The following DPP6 variants were observed in gnomAD, a reference collection of about 807,000 sequenced individuals.
The protein encoded by DPP6 is A-type potassium channel modulatory protein DPP6.
A neutral mutation model predicts 122.6 loss-of-function variants in DPP6; 69 were observed. That is an observed-to-expected ratio of 0.56 (90% CI 0.46 to 0.69). The LOEUF (loss-of-function observed/expected upper bound fraction) is 0.69, where lower values mean the gene tolerates loss of function less well. Among genes scored for constraint, DPP6 ranks in the 30% least tolerant of loss-of-function variants. DPP6 has a pLI of 0.00. For missense variants in DPP6, 928 were observed against 1,116.9 expected (o/e 0.83, Z 2.41); for synonymous variants, 418 against 433.1 (o/e 0.97, Z 0.43).
rs1052631243 is a variant in DPP6, at chr7:154,169,821, C to A, written c.243+116758C>A. On this transcript the variant is annotated intron_variant, in intron 1 of 25. Transcript: ENST00000377770. ...TCTTGGCTCACCCCAACCTCTGCCT[C>A]CCGGGTTCAAGTGATTTTCCTGCCT... 3.2e-4 allele frequency among the ~76,000 whole-genome samples: 49 copies of A among 152,124 alleles called. 1 individual carries two copies. The highest frequency in any genetic ancestry group is 2.4e-3 in the Admixed American group (37 of 15,264).
At chr7:153,846,687 CTTTTTTTTTT>C in the DPP6 span, among the ~76,000 whole-genome samples, 1 of 78,208 alleles carries the variant, frequency 1.3e-5, no homozygotes, top group African/African-American at 5.0e-5. Context: ...TGGCTTGGTT[CTTTTTTTTTT>C]TTTTTTTTTT....
At chr7:154,522,350 TAA>T (rs1450039974) in intron 3 of DPP6, among the ~76,000 whole-genome samples, 8 of 152,186 alleles carry the variant, frequency 5.3e-5, no homozygotes, top group Admixed American at 2.0e-4. Context: ...CCACGTATGT[TAA>T]AGTTGCCAGC....
At chr7:153,982,266 T>C (rs1796625230) in intron 1 of DPP6, among the ~76,000 whole-genome samples, 2 of 151,832 alleles carry the variant, frequency 1.3e-5, no homozygotes, top group Admixed American at 6.6e-5. Context: ...TTCTCTAATC[T>C]TGTCTTCATT....
chr7:154,765,179 A>G (rs1279169626), intron 8 of DPP6, among the ~76,000 whole-genome samples: 3 of 152,190 alleles, frequency 2.0e-5, no homozygotes, highest in Non-Finnish European at 4.4e-5. Flanking sequence ...TATGTTGCAA[A>G]TGCCAGGATT....
chr7:154,874,009 CACAT>C (rs1469263056), intron 19 of DPP6, among the ~76,000 whole-genome samples: 1 of 151,784 alleles, frequency 6.6e-6, no homozygotes, highest in African/African-American at 2.4e-5. Context: ...CACATACACA[CACAT>C]GCACACACAT....
chr7:154,279,467 G>A (rs1178592864), intron 1 of DPP6, among the ~76,000 whole-genome samples: 1 of 152,184 alleles, frequency 6.6e-6, no homozygotes, highest in Non-Finnish European at 1.5e-5. Context: ...GGCTTTCTGA[G>A]ACAACGCCTT....
chr7:154,420,144 C>A (rs1165363405), intron 1 of DPP6, among the ~76,000 whole-genome samples: 1 of 152,164 alleles, frequency 6.6e-6, no homozygotes, highest in African/African-American at 2.4e-5. Flanking sequence ...TGAGACTAGC[C>A]TGGCCAAAAT....
chr7:154,416,631 T>C (rs1215044293), intron 1 of DPP6, among the ~76,000 whole-genome samples: 1 of 150,076 alleles, frequency 6.7e-6, no homozygotes, highest in Non-Finnish European at 1.5e-5. Flanking sequence ...ACATCTGCAG[T>C]TTCAGGCATC....
intron 17 of DPP6, among the ~76,000 whole-genome samples, chr7:154,854,238 G>A (rs1802637778): frequency 6.6e-6 from 1 of 152,200 alleles, no homozygotes; most frequent in Non-Finnish European, 1.5e-5. Flanking sequence ...ACGGCATGGA[G>A]GGTCTCTGCA....
At chr7:153,820,256 C>T in the DPP6 span, among the ~76,000 whole-genome samples, 1 of 152,126 alleles carries the variant, frequency 6.6e-6, no homozygotes, top group Non-Finnish European at 1.5e-5. Flanking sequence ...CTGCATTTTT[C>T]ATTTTACAAA....
intron 1 of DPP6, among the ~76,000 whole-genome samples, chr7:153,895,671 C>T (rs988739823): frequency 6.6e-6 from 1 of 151,562 alleles, no homozygotes; most frequent in Non-Finnish European, 1.5e-5. Flanking sequence ...CCTTGATGAC[C>T]CAGGAAGACT....
At chr7:153,841,602 A>C in the DPP6 span, among the ~76,000 whole-genome samples, 7 of 152,372 alleles carry the variant, frequency 4.6e-5, no homozygotes, top group South Asian at 1.4e-3. Context: ...AGAACTACTC[A>C]AACCAAATTG....
intron 1 of DPP6, among the ~76,000 whole-genome samples, chr7:154,407,984 T>C (rs1816264641): frequency 6.6e-6 from 1 of 152,220 alleles, no homozygotes; most frequent in Non-Finnish European, 1.5e-5. Context: ...CTCATAATGT[T>C]GTTATCATGA....
chr7:154,880,571 A>T (rs1238815817), intron 20 of DPP6, among the ~76,000 whole-genome samples: 3 of 152,068 alleles, frequency 2.0e-5, no homozygotes, highest in African/African-American at 7.2e-5. Flanking sequence ...CAGCAGATGG[A>T]CCCCATGCAA....
At chr7:153,966,852 A>T (rs1259815263) in intron 1 of DPP6, among the ~76,000 whole-genome samples, 1 of 151,070 alleles carries the variant, frequency 6.6e-6, no homozygotes, top group Non-Finnish European at 1.5e-5. Context: ...AGATCACTTG[A>T]GCTCGCAAAT....
chr7:154,252,954 T>C (rs1802439782), intron 1 of DPP6, among the ~76,000 whole-genome samples: 1 of 152,158 alleles, frequency 6.6e-6, no homozygotes, highest in African/African-American at 2.4e-5. Context: ...AAAATAAAAA[T>C]TTAAAAATCT....
At chr7:154,505,450 T>C (rs1477725193) in intron 3 of DPP6, among the ~76,000 whole-genome samples, 1 of 152,226 alleles carries the variant, frequency 6.6e-6, no homozygotes, top group Non-Finnish European at 1.5e-5. Flanking sequence ...TTTCACCTAA[T>C]GTCCCCTTTA....
intron 1 of DPP6, among the ~76,000 whole-genome samples, chr7:154,331,697 C>T (rs1413380508): frequency 2.6e-5 from 4 of 152,162 alleles, no homozygotes; most frequent in African/African-American, 7.2e-5. Flanking sequence ...CCTGTGTGCT[C>T]TCAAGGTAGA....
At chr7:154,192,125 C>T (rs1402954153) in intron 1 of DPP6, among the ~76,000 whole-genome samples, 6 of 152,182 alleles carry the variant, frequency 3.9e-5, no homozygotes, top group African/African-American at 1.4e-4. Flanking sequence ...GATTTAAAGG[C>T]ACCTTTTAGT....
Sources: gnomAD v4.1 joint callset for allele counts (sites outside exome capture counted in the v4.1 genomes callset) on GRCh38, gnomAD v4.1.1 for gene constraint, MANE v1.5 for transcripts, NCBI Gene and HGNC (gene_info 2026-07-23, HGNC 2026-07-21) for gene names.